METTL6: variants seen among roughly 807,000 people sequenced by gnomAD.
METTL6 encodes the protein methyltransferase 6, tRNA N3-cytidine.
METTL6 carries 22 observed loss-of-function variants against 26.4 expected under a neutral mutation model. The ratio of observed to expected loss-of-function variants is 0.83; its 90% CI spans 0.59 to 1.19. The LOEUF (loss-of-function observed/expected upper bound fraction) is 1.19. METTL6 is among the 50% of genes most tolerant of loss of function. The pLI, the probability that METTL6 is intolerant of heterozygous loss-of-function variation, is 0.00. For missense variants in METTL6, 304 were observed against 324.8 expected (o/e 0.94, Z 0.49); for synonymous variants, 109 against 116.2 (o/e 0.94, Z 0.40).
At chr3:15,393,084 G>A (rs1191251160) in intron 6 of METTL6, among the ~76,000 whole-genome samples, 3 of 152,104 alleles carry the variant, frequency 2.0e-5, no homozygotes, top group Non-Finnish European at 4.4e-5. Flanking sequence ...AAATTACCTT[G>A]GGCAGTATGG....
chr3:15,411,751 TTTTTTTTTTAATTAAAAAAAAA>T (rs1177601785), intron 5 of METTL6, among the ~76,000 whole-genome samples: 1 of 148,132 alleles, frequency 6.8e-6, no homozygotes, highest in Non-Finnish European at 1.5e-5. Flanking sequence ...TTATATTCCT[TTTTTTTTTTAATTAAAAAAAAA>T]TTTTTTTTTG....
chr3:15,418,787 T>G (rs958384306), intron 3 of METTL6, among the ~76,000 whole-genome samples: 8 of 152,060 alleles, frequency 5.3e-5, no homozygotes, highest in African/African-American at 7.2e-5. Context: ...TCCCAGCACT[T>G]TGGGAGGCTG....
intron 3 of METTL6, among the ~76,000 whole-genome samples, chr3:15,423,166 C>G (rs1329093567): frequency 6.6e-6 from 1 of 151,502 alleles, no homozygotes; most frequent in Non-Finnish European, 1.5e-5. Context: ...GAGGCCAAGG[C>G]GGGTGGATTA....
At chr3:15,421,645 G>C (rs1369469847) in intron 3 of METTL6, among the ~76,000 whole-genome samples, 1 of 152,152 alleles carries the variant, frequency 6.6e-6, no homozygotes, top group Non-Finnish European at 1.5e-5. Flanking sequence ...GCCAGGTGCG[G>C]TGGCTTATGC....
exon 7 of METTL6, chr3:15,382,011 A>G (rs1014636734): frequency 6.6e-6 from 1 of 151,188 alleles, no homozygotes; most frequent in African/African-American, 2.4e-5. Flanking sequence ...GACCCTGCCC[A>G]TGTCCCTGGG....
At chr3:15,420,607 C>T (rs767635834) in intron 3 of METTL6, among the ~76,000 whole-genome samples, 1 of 152,148 alleles carries the variant, frequency 6.6e-6, no homozygotes, top group African/African-American at 2.4e-5. Context: ...GACCACTGTA[C>T]CTTATGTCCA....
At chr3:15,411,529 T>G in intron 5 of METTL6, 92 bp from the exon 6 acceptor site, 1 of 1,251,292 alleles carries the variant, frequency 8.0e-7, no homozygotes, top group Non-Finnish European at 1.1e-6. Context: ...TGAGGCTATT[T>G]TAATATTTTT....
chr3:15,401,000 C>T (rs1699624315), intron 6 of METTL6, among the ~76,000 whole-genome samples: 1 of 151,934 alleles, frequency 6.6e-6, no homozygotes, highest in Admixed American at 6.6e-5. Flanking sequence ...ATAGCTGGGA[C>T]TACAGTCACA....
At chr3:15,408,153 A>G (rs1241883970), downstream of METTL6, among the ~76,000 whole-genome samples, 1 of 152,198 alleles carries the variant, frequency 6.6e-6, no homozygotes, top group Admixed American at 6.5e-5. Context: ...AATAGAAGAA[A>G]AACTACTCTC....
chr3:15,403,315 T>C (rs1159520855), intron 6 of METTL6, among the ~76,000 whole-genome samples: 1 of 152,156 alleles, frequency 6.6e-6, no homozygotes, highest in Non-Finnish European at 1.5e-5. Flanking sequence ...AATTGACCAT[T>C]TTGCCCATTT....
In METTL6 at chr3:15,411,388, G is replaced by T; in HGVS notation, c.723C>A (p.Asn241Lys). The T allele has an allele frequency of 6.2e-6, 10 of 1,614,076 alleles. No homozygotes were observed. Among genetic ancestry groups the T allele is most frequent in the Non-Finnish European group, 8.5e-6 (10 of 1,180,018 alleles). ...TCACCGTCTCTCGAAACACATACTCGTTTACCACTTCTTCATAACCTGTGT... is the reference window on the plus strand; with the variant it reads ...TCACCGTCTCTCGAAACACATACTCTTTTACCACTTCTTCATAACCTGTGT... ...FMDTGYEEVV[N>K]EYVFRETVNK... The change falls in exon 6 of 6, where the codon AAC (asparagine) becomes AAA (lysine). Residue 241 changes from asparagine (N) to lysine (K), a missense_variant. Physicochemically the swap from Asn to Lys is moderately conservative, Grantham distance 94. Transcript: ENST00000383790.
At chr3:15,403,445 G>A (rs1699702206) in intron 6 of METTL6, among the ~76,000 whole-genome samples, 2 of 152,098 alleles carry the variant, frequency 1.3e-5, no homozygotes, top group South Asian at 4.1e-4. Context: ...TCTCATCTCC[G>A]TGGCCATGCC....
intron 1 of METTL6, 121 bp from the exon 2 acceptor site, chr3:15,426,756 G>T: frequency 3.8e-6 from 2 of 526,248 alleles, no homozygotes; most frequent in South Asian, 2.6e-5. Flanking sequence ...CTATATGAGA[G>T]GTCACAAAGA....
chr3:15,426,046 T>C (rs2061713123), intron 2 of METTL6, among the ~76,000 whole-genome samples: 1 of 152,122 alleles, frequency 6.6e-6, no homozygotes, highest in Admixed American at 6.5e-5. Context: ...GTTCAAGCGA[T>C]TCTCCTGCCT....
At chr3:15,405,700 G>A (rs769983450), downstream of METTL6, among the ~76,000 whole-genome samples, 7 of 152,188 alleles carry the variant, frequency 4.6e-5, no homozygotes, top group Non-Finnish European at 1.0e-4. Flanking sequence ...CTTGGTTCAT[G>A]AGCTGCTCTA....
At chr3:15,405,293 G>A (rs1185554461), downstream of METTL6, among the ~76,000 whole-genome samples, 1 of 152,162 alleles carries the variant, frequency 6.6e-6, no homozygotes, top group Non-Finnish European at 1.5e-5. Context: ...AGATTTAACT[G>A]AAAGTAAACA....
At chr3:15,415,706 A>T (rs1179423684) in intron 4 of METTL6, 66 bp downstream of exon 4, 2 of 1,597,756 alleles carry the variant, frequency 1.3e-6, no homozygotes, top group East Asian at 4.5e-5. Context: ...CATGAGCCTC[A>T]TGAGGGAAGG....
chr3:15,394,754 T>TACCC (rs1228773320), intron 6 of METTL6, among the ~76,000 whole-genome samples: 1 of 152,276 alleles, frequency 6.6e-6, no homozygotes, highest in African/African-American at 2.4e-5. Context: ...TTTCGTTATG[T>TACCC]ACCCAGTAGT....
intron 5 of METTL6, among the ~76,000 whole-genome samples, chr3:15,412,651 T>G: frequency 6.7e-6 from 1 of 150,176 alleles, no homozygotes; most frequent in African/African-American, 2.5e-5. Context: ...TCCTGGCTAA[T>G]ATTTTTTTTT....
Sources: gnomAD v4.1 joint callset for allele counts (sites outside exome capture counted in the v4.1 genomes callset) on GRCh38, gnomAD v4.1.1 for gene constraint, MANE v1.5 for transcripts, NCBI Gene and HGNC (gene_info 2026-07-23, HGNC 2026-07-21) for gene names.